Variants in BEND3 observed in about 807,000 individuals in gnomAD.
BEND3 encodes BEN domain-containing protein 3.
Under a neutral mutation model 60.1 loss-of-function variants are expected in BEND3, and 13 were observed. The ratio of observed to expected loss-of-function variants is 0.22; its 90% CI spans 0.14 to 0.34. The LOEUF is 0.34. BEND3 is among the 10% of genes least tolerant of loss of function. The pLI is 1.00. For synonymous variants in BEND3, 497 were observed against 491.5 expected (o/e 1.01, Z -0.15); for missense variants, 896 against 1,138.1 (o/e 0.79, Z 3.06).
At position 107,071,000 on chromosome 6, in the gene BEND3, A is replaced by T. The variant is rs1343765457; in HGVS notation, c.241-50T>A. 3.3e-6 allele frequency: 5 copies of T among 1,524,932 alleles called. No individual in the cohort carries two copies. In the Admixed American group the frequency reaches 8.3e-5, roughly 25 times the overall value. The allele number at this position is 1,524,932 out of a possible 1,614,324, so 94.5% of individuals were successfully genotyped here. On this transcript the variant is annotated intron_variant, in intron 3 of 3. Coordinates refer to ENST00000369042, the MANE Select transcript of BEND3 (RefSeq NM_001367314.1). This position sits in a 1 kb window ranked among gnomAD's most constrained non-coding sequence, Gnocchi z 6.9. ...GAGTGTTAGGTGGGTGCTGTGGTTT[A>T]TGACACTAAACAAGGGTCTGTGTAG...
At chr6:107,079,495 G>T (rs1288136785) in intron 3 of BEND3, among the ~76,000 whole-genome samples, 1 of 152,176 alleles carries the variant, frequency 6.6e-6, no homozygotes, top group Non-Finnish European at 1.5e-5. Flanking sequence ...GCCCACTGGG[G>T]CTTCAGGAGC....
At chr6:107,111,381 C>T (rs1342004403) in intron 1 of BEND3, among the ~76,000 whole-genome samples, 1 of 151,986 alleles carries the variant, frequency 6.6e-6, no homozygotes, top group African/African-American at 2.4e-5. Flanking sequence ...TATGGTAGTG[C>T]ATGCCTGTGA....
In BEND3 at chr6:107,068,064, G is replaced by C. The variant is rs1214581307; in HGVS notation, c.*640C>G. On this transcript the variant is annotated 3_prime_UTR_variant, in exon 4 of 4. Coordinates refer to ENST00000369042, the MANE Select transcript of BEND3 (RefSeq NM_001367314.1). This position sits in a 1 kb window ranked among gnomAD's most constrained non-coding sequence, Gnocchi z 5.8. ...CCTTCCCTGGCACCAGAGCAGAAGG[G>C]AAAACTTGCATGTGGTCGTAAAGGA... is the stretch of plus-strand genomic sequence containing the variant. 1 of 152,260 alleles carries C rather than the reference G, an allele frequency of 6.6e-6. No homozygotes were observed. The highest frequency in any genetic ancestry group is 6.5e-5 in the Admixed American group (1 of 15,280). 9.4% of individuals were successfully genotyped at this position (152,260 alleles called of 1,614,324 possible).
chr6:107,078,428 A>C (rs1775143797), intron 3 of BEND3, among the ~76,000 whole-genome samples: 1 of 151,454 alleles, frequency 6.6e-6, no homozygotes, highest in African/African-American at 2.4e-5. Context: ...CATGGGGTTG[A>C]GGGCTGGAGA....
At chr6:107,113,171 G>A (rs1242365457) in intron 1 of BEND3, among the ~76,000 whole-genome samples, 2 of 149,548 alleles carry the variant, frequency 1.3e-5, no homozygotes, top group Non-Finnish European at 3.0e-5. Flanking sequence ...AAAAAAGCAC[G>A]GTGGCTCATG....
intron 3 of BEND3, among the ~76,000 whole-genome samples, chr6:107,095,688 G>A (rs1775572310): frequency 6.6e-6 from 1 of 152,086 alleles, no homozygotes; most frequent in South Asian, 2.1e-4. Flanking sequence ...GGTACATCTG[G>A]GCAATAGAAT....
In BEND3 at chr6:107,068,484, G is replaced by A. The variant is rs1002957230; in HGVS notation, c.*220C>T. ...CCCACACTCAGGCTGCCCCGCCGGG[G>A]CACATAGGACAGAAGTTGTAAGTAC... On this transcript the variant is annotated 3_prime_UTR_variant, in exon 4 of 4. Coordinates refer to ENST00000369042, the MANE Select transcript of BEND3 (RefSeq NM_001367314.1). The surrounding 1 kb of genome is among the most constrained non-coding windows in gnomAD (Gnocchi z 5.8). 2 of 553,316 alleles carry A rather than the reference G, an allele frequency of 3.6e-6. No homozygotes were observed. The highest frequency in any genetic ancestry group is 3.6e-5 in the Admixed American group (1 of 28,010). The allele number at this position is 553,316 out of a possible 1,614,324, so 34.3% of individuals were successfully genotyped here. A position where few individuals can be genotyped will look rare whatever the true frequency, so the allele number is the denominator to read the frequency against.
At chr6:107,075,130 G>T (rs1431089470) in intron 3 of BEND3, among the ~76,000 whole-genome samples, 6 of 151,852 alleles carry the variant, frequency 4.0e-5, no homozygotes, top group Non-Finnish European at 8.8e-5. Flanking sequence ...GGAGGCTTAG[G>T]TGGGAGGATC....
intron 3 of BEND3, among the ~76,000 whole-genome samples, chr6:107,085,402 A>G (rs1775322923): frequency 6.6e-6 from 1 of 152,184 alleles, no homozygotes; most frequent in Non-Finnish European, 1.5e-5. Context: ...ATCCCCTTCT[A>G]CTTCTGGCAG....
intron 1 of BEND3, chr6:107,113,898 T>C (rs952101312): frequency 6.6e-6 from 1 of 152,264 alleles, no homozygotes; most frequent in Non-Finnish European, 1.5e-5. Context: ...CCTGCAACCG[T>C]AGCTTTCTGG....
At chr6:107,099,545 T>C (rs1256315332) in intron 1 of BEND3, among the ~76,000 whole-genome samples, 1 of 152,200 alleles carries the variant, frequency 6.6e-6, no homozygotes, top group Non-Finnish European at 1.5e-5. Flanking sequence ...CAGCATCCAC[T>C]GATAGCCACT....
intron 1 of BEND3, among the ~76,000 whole-genome samples, chr6:107,104,872 C>T (rs540024528): frequency 6.6e-6 from 1 of 151,992 alleles, no homozygotes; most frequent in South Asian, 2.1e-4. Flanking sequence ...CCTACGTTGC[C>T]CAAGCTGGTC....
At chr6:107,101,864 G>A (rs545151850) in intron 1 of BEND3, among the ~76,000 whole-genome samples, 2 of 152,280 alleles carry the variant, frequency 1.3e-5, no homozygotes, top group South Asian at 2.1e-4. Context: ...CTTGGAAACT[G>A]CCATGGTCAC....
chr6:107,115,425 G>A lies in BEND3; in HGVS notation c.-347C>T, dbSNP rs1464675674. ...CAGCGGGGCACACGCGGGACCGGCGGCGGCGGCGCTCGGGCGTGAACGGCC... is the reference window on the plus strand; with the variant it reads ...CAGCGGGGCACACGCGGGACCGGCGACGGCGGCGCTCGGGCGTGAACGGCC... On this transcript the variant is annotated 5_prime_UTR_variant, in exon 1 of 4. Transcript: ENST00000369042. 6.7e-6 allele frequency among the ~76,000 whole-genome samples: 1 copy of A among 148,424 alleles called. No individual in the cohort carries two copies.
chr6:107,093,131 C>A (rs538183151), intron 3 of BEND3, among the ~76,000 whole-genome samples: 5 of 152,116 alleles, frequency 3.3e-5, no homozygotes, highest in Non-Finnish European at 7.3e-5. Flanking sequence ...TAAACTAATT[C>A]TAAAATTTAT....
chr6:107,089,598 G>T (rs145811346), intron 3 of BEND3, among the ~76,000 whole-genome samples: 34 of 111,356 alleles, frequency 3.1e-4, no homozygotes, highest in East Asian at 2.0e-3. Context: ...AAAAAAAAAA[G>T]GATTTTTTTT....
At chr6:107,085,637 G>A (rs1464813478) in intron 3 of BEND3, among the ~76,000 whole-genome samples, 3 of 151,610 alleles carry the variant, frequency 2.0e-5, no homozygotes, top group Admixed American at 6.6e-5. Context: ...GACTACAGGC[G>A]CCTGCCACCA....
chr6:107,084,089 G>C (rs1032041654), intron 3 of BEND3, among the ~76,000 whole-genome samples: 1 of 152,292 alleles, frequency 6.6e-6, no homozygotes, highest in East Asian at 1.9e-4. Context: ...TCTTAAACCC[G>C]TAAGACCGGT....
intron 3 of BEND3, among the ~76,000 whole-genome samples, chr6:107,078,480 A>G (rs1411396008): frequency 3.3e-5 from 5 of 150,458 alleles, no homozygotes; most frequent in African/African-American, 1.2e-4. Context: ...TTTTTGAGAC[A>G]GAGTCTCACT....
Sources: gnomAD v4.1 joint callset for allele counts (sites outside exome capture counted in the v4.1 genomes callset) on GRCh38, gnomAD v4.1.1 for gene constraint, Gnocchi (gnomAD v3.1) non-coding constraint, MANE v1.5 for transcripts, NCBI Gene and HGNC (gene_info 2026-07-23, HGNC 2026-07-21) for gene names.